Variants in MYO5C observed in about 807,000 individuals in gnomAD.
The protein encoded by MYO5C is unconventional myosin-Vc.
In MYO5C, 194 loss-of-function variants were observed where a neutral mutation model predicts 235.7. That is an observed-to-expected ratio of 0.82 (90% CI 0.73 to 0.93). The LOEUF (loss-of-function observed/expected upper bound fraction) is 0.93, where lower values mean the gene tolerates loss of function less well. MYO5C is among the 40% of genes least tolerant of loss of function. The pLI, the probability that MYO5C is intolerant of heterozygous loss-of-function variation, is 0.00. For missense variants in MYO5C, 2,038 were observed against 2,127.2 expected, an observed-to-expected ratio of 0.96 and a Z score of 0.82; for synonymous variants, 707 against 754.8, an observed-to-expected ratio of 0.94 and a Z score of 1.04.
At chr15:52,259,900 C>T (rs1423400278) in intron 10 of MYO5C, among the ~76,000 whole-genome samples, 1 of 152,234 alleles carries the variant, frequency 6.6e-6, no homozygotes, top group Non-Finnish European at 1.5e-5. Context: ...CTCAGCTCTC[C>T]CCTTTGCATG....
intron 24 of MYO5C, among the ~76,000 whole-genome samples, chr15:52,232,304 G>GAAGGGAGGAGAGAAA (rs2035978175): frequency 5.3e-5 from 1 of 18,990 alleles, no homozygotes; most frequent in Non-Finnish European, 5.5e-4. Flanking sequence ...AAGGAGAGAA[G>GAAGGGAGGAGAGAAA]GAAGGAAGGA....
intron 32 of MYO5C, 50 bp from the exon 33 acceptor site, chr15:52,214,740 A>G (rs772977363): frequency 6.2e-5 from 61 of 982,166 alleles, no homozygotes; most frequent in Non-Finnish European, 8.5e-5. Context: ...ACTTTAATCT[A>G]TTTTTTTTTT....
intron 11 of MYO5C, 76 bp downstream of exon 11, chr15:52,256,563 A>ACG (rs2036583493): frequency 1.7e-6 from 1 of 600,706 alleles, no homozygotes; most frequent in African/African-American, 5.1e-5. Context: ...CTTTCCACGA[A>ACG]CACACACACA....
chr15:52,259,455 A>T (rs1299050861), intron 10 of MYO5C, among the ~76,000 whole-genome samples: 1 of 151,908 alleles, frequency 6.6e-6, no homozygotes. Context: ...AAGAAATAAT[A>T]TACTGTTAAA....
At position 52,247,451 on chromosome 15, in the gene MYO5C, TC is replaced by T. The variant is rs762532247; in HGVS notation, c.1881+6del. On this transcript the variant is annotated splice_donor_region_variant and intron_variant, in intron 15 of 40. Transcript: ENST00000261839. ...AGACCCCTCACTCTCAAACACCTTCTCAGTACCTTGCTCCCAACTGTGGTCC... is the reference window on the plus strand; with the variant it reads ...AGACCCCTCACTCTCAAACACCTTCTAGTACCTTGCTCCCAACTGTGGTCC... 1.4e-4 allele frequency: 219 copies of T among 1,613,862 alleles called. No individual in the cohort carries two copies. The highest frequency in any genetic ancestry group is 1.6e-4 in the Non-Finnish European group (186 of 1,179,930).
Position 52,245,358 on chromosome 15 carries a change from A to T in MYO5C, c.2174T>A (p.Ile725Asn). 6.2e-7 allele frequency: 1 copy of T among 1,611,100 alleles called. No homozygotes were observed. Among genetic ancestry groups the T allele is most frequent in the South Asian group, 1.1e-5 (1 of 91,016 alleles). Residue 725 changes from isoleucine to asparagine, a missense_variant, in exon 18 of 41, where the codon ATC (isoleucine) becomes AAC (asparagine). Physicochemically the swap from Ile to Asn is moderately radical, Grantham distance 149. Coordinates refer to ENST00000261839, the MANE Select transcript of MYO5C (RefSeq NM_018728.4). ...EVCKVVLHRL[I>N]QDSNQYQFGK... ...CCAGGAGGTGGGGAAACTGACCTGG[A>T]TGAGTCTGTGTAAAACCACCTTGCA... is the stretch of plus-strand genomic sequence containing the variant.
chr15:52,257,955 C>G (rs1279620524), intron 10 of MYO5C, among the ~76,000 whole-genome samples: 1 of 152,150 alleles, frequency 6.6e-6, no homozygotes, highest in East Asian at 1.9e-4. Context: ...GCAGCTCTGA[C>G]AGCCCCATTC....
At chr15:52,277,845 T>G (rs1040993968) in intron 4 of MYO5C, 1 of 455,362 alleles carries the variant, frequency 2.2e-6, no homozygotes, top group Non-Finnish European at 4.4e-6. Flanking sequence ...GTGTTCTACC[T>G]CATGTAAGCA....
At chr15:52,206,884 G>A (rs1294626099) in intron 36 of MYO5C, among the ~76,000 whole-genome samples, 1 of 152,212 alleles carries the variant, frequency 6.6e-6, no homozygotes, top group African/African-American at 2.4e-5. Context: ...CTGTAATCCA[G>A]CACTTTGCGA....
At position 52,279,642 on chromosome 15, in the gene MYO5C, C is replaced by A; in HGVS notation, c.171G>T (p.Leu57=). Residue 57 remains leucine, a synonymous_variant, in exon 3 of 41, where the codon CTG becomes CTT. Transcript: ENST00000261839. ...GGATGTCAGGATTCCGAAGTGGAGGCAGAGATTCTGGATTGACAGAATAAT... is the reference window on the plus strand; with the variant it reads ...GGATGTCAGGATTCCGAAGTGGAGGAAGAGATTCTGGATTGACAGAATAAT... ...ELDYSVNPES[L]PPLRNPDILV... The A allele has an allele frequency of 1.9e-6, 3 of 1,613,496 alleles. No individual in the cohort carries two copies. The highest frequency in any genetic ancestry group is 2.5e-6 in the Non-Finnish European group (3 of 1,179,426).
chr15:52,236,601 G>C (rs760797359), intron 22 of MYO5C, among the ~76,000 whole-genome samples: 1 of 152,128 alleles, frequency 6.6e-6, no homozygotes, highest in Non-Finnish European at 1.5e-5. Flanking sequence ...GCTTGAACCC[G>C]GGAGGTGGAG....
chr15:52,239,789 G>A lies in MYO5C; in HGVS notation c.2647C>T (p.Leu883Phe). 2 of 1,613,596 alleles carry A rather than the reference G, an allele frequency of 1.2e-6. No homozygotes were observed. The highest frequency in any genetic ancestry group is 1.7e-6 in the Non-Finnish European group (2 of 1,179,730). The stretch of plus-strand genomic sequence containing the variant: ...ACCCTGTAAGTAAGCTGAATATTAA[G>A]CACGAATCGTCGGATACTCTGGAAT... ...RRFQSIRRFV[L>F]NIQLTYRVQR... Residue 883 changes from leucine to phenylalanine, a missense_variant, in exon 21 of 41, where the codon CTT becomes TTT. Physicochemically the swap from Leu to Phe is conservative, Grantham distance 22. Coordinates refer to ENST00000261839, the MANE Select transcript of MYO5C (RefSeq NM_018728.4).
intron 10 of MYO5C, among the ~76,000 whole-genome samples, chr15:52,259,020 G>A (rs2036637163): frequency 6.6e-6 from 1 of 152,116 alleles, no homozygotes; most frequent in Non-Finnish European, 1.5e-5. Flanking sequence ...CTGCCGGCCT[G>A]CTGCCCTCAC....
intron 33 of MYO5C, 40 bp from the exon 34 acceptor site, chr15:52,213,326 C>T (rs756756599): frequency 6.9e-7 from 1 of 1,446,774 alleles, no homozygotes; most frequent in South Asian, 1.1e-5. Context: ...TACACAAAAG[C>T]AGCTTTCACA....
intron 18 of MYO5C, among the ~76,000 whole-genome samples, chr15:52,244,998 G>C (rs968929690): frequency 6.6e-6 from 1 of 152,216 alleles, no homozygotes; most frequent in African/African-American, 2.4e-5. Context: ...CTGCAGCAAT[G>C]ATGTCAATCC....
chr15:52,232,729 T>G, intron 23 of MYO5C, 44 bp from the exon 24 acceptor site: 7 of 1,491,582 alleles, frequency 4.7e-6, no homozygotes, highest in Non-Finnish European at 5.6e-6. Flanking sequence ...GCCAAATCAA[T>G]GCCTTGATTG....
At chr15:52,260,427 A>G (rs2036669581) in intron 10 of MYO5C, among the ~76,000 whole-genome samples, 1 of 152,214 alleles carries the variant, frequency 6.6e-6, no homozygotes, top group Non-Finnish European at 1.5e-5. Context: ...TTGGGGCTCC[A>G]CACCTCAGGG....
chr15:52,236,360 C>G (rs2036085781), intron 22 of MYO5C, among the ~76,000 whole-genome samples: 1 of 152,184 alleles, frequency 6.6e-6, no homozygotes, highest in South Asian at 2.1e-4. Flanking sequence ...AGCCACCAAC[C>G]CTGGGTGCTA....
intron 23 of MYO5C, among the ~76,000 whole-genome samples, chr15:52,234,136 A>G (rs2036027572): frequency 6.6e-6 from 1 of 152,266 alleles, no homozygotes; most frequent in South Asian, 2.1e-4. Context: ...GGCCATTTGC[A>G]GATGCGCTAA....
Sources: gnomAD v4.1 joint callset for allele counts (sites outside exome capture counted in the v4.1 genomes callset) on GRCh38, gnomAD v4.1.1 for gene constraint, MANE v1.5 for transcripts, NCBI Gene and HGNC (gene_info 2026-07-23, HGNC 2026-07-21) for gene names.